GLIS3: variants seen among roughly 807,000 people sequenced by gnomAD.
GLIS3 encodes the protein zinc finger protein GLIS3.
In GLIS3, 53 loss-of-function variants were observed where a neutral mutation model predicts 78.6. That is an observed-to-expected ratio of 0.67 (90% CI 0.54 to 0.85). The LOEUF is 0.85. Ranked by LOEUF, GLIS3 falls within the 40% of genes least tolerant of loss-of-function variation. GLIS3 has a pLI of 0.00. For missense variants in GLIS3, 1,703 were observed against 1,231.1 expected (o/e 1.38, Z -5.74); for synonymous variants, 684 against 509.9 (o/e 1.34, Z -4.60).
chr9:4,161,578 G>A (rs977502933), intron 2 of GLIS3, among the ~76,000 whole-genome samples: 1 of 151,230 alleles, frequency 6.6e-6, no homozygotes, highest in Non-Finnish European at 1.5e-5. Context: ...TTCACTTGCT[G>A]TATTAGTTTT....
intron 4 of GLIS3, among the ~76,000 whole-genome samples, chr9:3,968,273 G>A (rs544219346): frequency 6.6e-6 from 1 of 152,310 alleles, no homozygotes; most frequent in African/African-American, 2.4e-5. Context: ...CTAACTGAAT[G>A]GGACAGTGGA....
chr9:4,335,245 T>C lies in GLIS3; in HGVS notation n.264+11836A>G, dbSNP rs574462495. On this transcript the variant is annotated intron_variant and non_coding_transcript_variant, in intron 2 of 4. Coordinates refer to the GLIS3 transcript ENST00000471664. ...ATTTTTACTGAGCATCTTAGTGCCATAATTGAAACAAATTAGAAGCATAAG... is the reference window on the plus strand; with the variant it reads ...ATTTTTACTGAGCATCTTAGTGCCACAATTGAAACAAATTAGAAGCATAAG... Among the ~76,000 whole-genome samples the C allele has an allele frequency of 1.7e-4, 26 of 152,282 alleles. No individual in the cohort carries two copies. In the East Asian group the frequency reaches 4.6e-3, roughly 27 times the overall value.
chr9:4,161,076 T>TC (rs1487946574), intron 2 of GLIS3, among the ~76,000 whole-genome samples: 2 of 74,414 alleles, frequency 2.7e-5, no homozygotes, highest in Non-Finnish European at 6.7e-5. Context: ...AGACCCCATC[T>TC]CTTAAAAAAA....
chr9:4,046,549 A>G (rs566015733), intron 4 of GLIS3, among the ~76,000 whole-genome samples: 22 of 152,328 alleles, frequency 1.4e-4, no homozygotes, highest in Non-Finnish European at 1.6e-4. Context: ...AGGTGGGGCC[A>G]GCAATCAATG....
chr9:3,988,421 A>G (rs1160568580), intron 4 of GLIS3, among the ~76,000 whole-genome samples: 1 of 152,238 alleles, frequency 6.6e-6, no homozygotes, highest in African/African-American at 2.4e-5. Flanking sequence ...ACTCAAGACG[A>G]TGATAAAAAT....
At chr9:4,471,923 A>G in the GLIS3 span, among the ~76,000 whole-genome samples, 12 of 152,234 alleles carry the variant, frequency 7.9e-5, no homozygotes, top group Non-Finnish European at 1.8e-4. Flanking sequence ...AAAAACAAAC[A>G]ACCCCATCAA....
intron 6 of GLIS3, among the ~76,000 whole-genome samples, chr9:3,917,813 A>G (rs145549037): frequency 2.1e-4 from 32 of 152,352 alleles, no homozygotes; most frequent in African/African-American, 7.7e-4. Flanking sequence ...TTGCTCCTTG[A>G]AAATTGGTAA....
intron 7 of GLIS3, among the ~76,000 whole-genome samples, chr9:3,885,538 G>A (rs1822019763): frequency 6.6e-6 from 1 of 152,180 alleles, no homozygotes; most frequent in Non-Finnish European, 1.5e-5. Context: ...TTATTGCTTG[G>A]TGGCTGGAAC....
intron 4 of GLIS3, among the ~76,000 whole-genome samples, chr9:3,952,407 G>C (rs1016280676): frequency 6.6e-6 from 1 of 151,974 alleles, no homozygotes; most frequent in African/African-American, 2.4e-5. Flanking sequence ...GTCTGATCCC[G>C]GCCAGGCTCA....
At chr9:3,897,140 G>A (rs1822909252) in intron 7 of GLIS3, among the ~76,000 whole-genome samples, 1 of 152,120 alleles carries the variant, frequency 6.6e-6, no homozygotes, top group South Asian at 2.1e-4. Context: ...GATATGGATA[G>A]CATTGCTTCC....
chr9:4,146,622 G>T (rs142922133), intron 2 of GLIS3, among the ~76,000 whole-genome samples: 1 of 152,236 alleles, frequency 6.6e-6, no homozygotes, highest in Non-Finnish European at 1.5e-5. Context: ...GGAATCTGGC[G>T]AACTGATTTT....
At chr9:4,097,112 A>G (rs982301396) in intron 4 of GLIS3, among the ~76,000 whole-genome samples, 1 of 152,220 alleles carries the variant, frequency 6.6e-6, no homozygotes, top group Admixed American at 6.5e-5. Context: ...GCTTCTGTTC[A>G]CAGAAATCTT....
chr9:4,343,966 C>G (rs550293830), intron 2 of GLIS3, among the ~76,000 whole-genome samples: 2 of 152,172 alleles, frequency 1.3e-5, no homozygotes, highest in Non-Finnish European at 2.9e-5. Flanking sequence ...CTATTAGGTA[C>G]TGTGCTTATT....
intron 2 of GLIS3, among the ~76,000 whole-genome samples, chr9:4,316,599 G>A (rs1274526434): frequency 6.6e-6 from 1 of 152,114 alleles, no homozygotes; most frequent in Non-Finnish European, 1.5e-5. Context: ...CCCAAAGTGT[G>A]CATGCTAGGT....
At chr9:4,474,985 ATTTTTTTTTC>A in the GLIS3 span, among the ~76,000 whole-genome samples, 2 of 114,490 alleles carry the variant, frequency 1.7e-5, no homozygotes, top group South Asian at 2.8e-4. Flanking sequence ...GACTATGTTA[ATTTTTTTTTC>A]TTTTTTTTTT....
intron 4 of GLIS3, among the ~76,000 whole-genome samples, chr9:4,019,319 G>A (rs1436581930): frequency 1.3e-5 from 2 of 152,106 alleles, no homozygotes; most frequent in African/African-American, 2.4e-5. Flanking sequence ...TCATTTGCCT[G>A]ACATCACAGA....
chr9:4,064,007 C>CA (rs1826875335), intron 4 of GLIS3, among the ~76,000 whole-genome samples: 1 of 151,280 alleles, frequency 6.6e-6, no homozygotes, highest in Non-Finnish European at 1.5e-5. Flanking sequence ...ATTTCAAAGA[C>CA]TTTTTTTTTC....
At chr9:4,084,302 T>C (rs938333740) in intron 4 of GLIS3, among the ~76,000 whole-genome samples, 2 of 126,160 alleles carry the variant, frequency 1.6e-5, no homozygotes, top group Non-Finnish European at 3.6e-5. Flanking sequence ...CACAAATTCC[T>C]AGCCTCCCCT....
chr9:4,480,417 G>A, the GLIS3 span, among the ~76,000 whole-genome samples: 2 of 151,924 alleles, frequency 1.3e-5, no homozygotes, highest in African/African-American at 4.8e-5. Context: ...TTTCAGGCTG[G>A]TCTTGAAGTC....
Sources: allele counts gnomAD v4.1 joint callset (sites outside exome capture counted in the v4.1 genomes callset), GRCh38; gene constraint gnomAD v4.1.1; transcripts MANE v1.5; gene names NCBI Gene and HGNC (gene_info 2026-07-23, HGNC 2026-07-21).